CMTM8: variants seen among roughly 807,000 people sequenced by gnomAD.
CMTM8 encodes the protein CKLF-like MARVEL transmembrane domain-containing protein 8.
CMTM8 carries 12 observed loss-of-function variants against 18.6 expected under a neutral mutation model. The observed-to-expected ratio is 0.65, with a 90% CI of 0.41 to 1.05. The LOEUF is 1.05. CMTM8 is among the 50% of genes least tolerant of loss of function. The probability of loss-of-function intolerance (pLI) is 0.00; values close to 1 mark genes in which losing one functional copy is unlikely to be tolerated. For missense variants in CMTM8, 217 were observed against 227.2 expected (o/e 0.95, Z 0.29); for synonymous variants, 87 against 90.6 (o/e 0.96, Z 0.23).
intron 1 of CMTM8, among the ~76,000 whole-genome samples, chr3:32,315,076 G>A (rs1197791187): frequency 2.7e-4 from 41 of 151,784 alleles, no homozygotes; most frequent in Admixed American, 2.7e-3. Context: ...TAAGTGCTGT[G>A]GGGAAACAAA....
chr3:32,357,657 C>T (rs929062912), intron 2 of CMTM8, 111 bp downstream of exon 2: 5 of 1,052,854 alleles, frequency 4.7e-6, no homozygotes, highest in African/African-American at 4.7e-5. Context: ...TGGGGCCATA[C>T]CATGGAGAAC....
intron 2 of CMTM8, among the ~76,000 whole-genome samples, chr3:32,361,728 T>C (rs564042756): frequency 6.6e-6 from 1 of 152,296 alleles, no homozygotes; most frequent in East Asian, 1.9e-4. Context: ...AAGTGACCTA[T>C]ATCCATTTTT....
chr3:32,281,455 T>A (rs1702609589), intron 1 of CMTM8, among the ~76,000 whole-genome samples: 1 of 152,132 alleles, frequency 6.6e-6, no homozygotes, highest in Admixed American at 6.5e-5. Flanking sequence ...CATATATACA[T>A]GTAGTATCTA....
intron 1 of CMTM8, among the ~76,000 whole-genome samples, chr3:32,357,117 G>A (rs954857994): frequency 2.6e-5 from 4 of 152,064 alleles, no homozygotes; most frequent in East Asian, 1.9e-4. Flanking sequence ...GGTGCTGCAC[G>A]CCTGTAATCC....
chr3:32,366,046 A>C (rs1010657290), intron 2 of CMTM8, among the ~76,000 whole-genome samples: 4 of 151,784 alleles, frequency 2.6e-5, no homozygotes, highest in African/African-American at 9.7e-5. Context: ...TTTTCACTAC[A>C]TTTCCTCCAA....
intron 1 of CMTM8, among the ~76,000 whole-genome samples, chr3:32,297,503 T>C (rs9837605): frequency 0.49 from 74,102 of 151,588 alleles, 18,902 homozygotes; most frequent in Admixed American, 0.6. Context: ...TTGATGAGGC[T>C]ATTCTTATCT....
At chr3:32,369,516 C>T (rs1486783814) in intron 3 of CMTM8, among the ~76,000 whole-genome samples, 1 of 152,068 alleles carries the variant, frequency 6.6e-6, no homozygotes, top group Non-Finnish European at 1.5e-5. Context: ...TTACTCTGGC[C>T]CACTCGACTC....
At chr3:32,317,521 T>C (rs1695954149) in intron 1 of CMTM8, among the ~76,000 whole-genome samples, 1 of 152,202 alleles carries the variant, frequency 6.6e-6, no homozygotes, top group Non-Finnish European at 1.5e-5. Context: ...GCCTAAACTT[T>C]ATGAAAGTCA....
At position 32,341,581 on chromosome 3, in the gene CMTM8, G is replaced by A. The variant is rs537733017; in HGVS notation, c.148-15792G>A. On this transcript the variant is annotated intron_variant, in intron 1 of 3. Coordinates refer to ENST00000307526, the MANE Select transcript of CMTM8 (RefSeq NM_178868.5). ...CGGCATGATGTTGATGTGTAGTACA[G>A]TTTAAAAACTTGAGGCCAGGTGTGG... 3.3e-5 allele frequency among the ~76,000 whole-genome samples: 5 copies of A among 152,312 alleles called. No homozygotes were observed. In the East Asian group the frequency reaches 9.6e-4, roughly 29 times the overall value.
At chr3:32,264,176 A>C (rs1365673245) in intron 1 of CMTM8, among the ~76,000 whole-genome samples, 1 of 152,228 alleles carries the variant, frequency 6.6e-6, no homozygotes, top group Non-Finnish European at 1.5e-5. Context: ...AAATGAAGGA[A>C]AAAATGTTAA....
intron 1 of CMTM8, among the ~76,000 whole-genome samples, chr3:32,267,881 C>G (rs1318213270): frequency 2.6e-5 from 4 of 152,174 alleles, no homozygotes; most frequent in Non-Finnish European, 5.9e-5. Context: ...AAATGCAAAT[C>G]AAAACCATAA....
At chr3:32,340,037 G>T (rs1158037878) in intron 1 of CMTM8, among the ~76,000 whole-genome samples, 1 of 152,166 alleles carries the variant, frequency 6.6e-6, no homozygotes, top group East Asian at 1.9e-4. Context: ...GATTAAATTT[G>T]CCCTTCCAAG....
intron 1 of CMTM8, chr3:32,259,238 A>G (rs1559363462): frequency 3.4e-6 from 2 of 582,482 alleles, no homozygotes; most frequent in Non-Finnish European, 6.4e-6. Flanking sequence ...TCCTACCTGG[A>G]CAAAGTGAAG....
chr3:32,324,284 C>G (rs571851601), intron 1 of CMTM8, among the ~76,000 whole-genome samples: 2 of 152,186 alleles, frequency 1.3e-5, no homozygotes, highest in East Asian at 1.9e-4. Context: ...AAAACTTTTT[C>G]CAGTCTGGTA....
chr3:32,296,706 G>A (rs1166165342), intron 1 of CMTM8, among the ~76,000 whole-genome samples: 2 of 152,174 alleles, frequency 1.3e-5, no homozygotes, highest in Non-Finnish European at 2.9e-5. Flanking sequence ...CACCCCTTAG[G>A]GTTGTGTAAT....
chr3:32,367,943 C>T lies in CMTM8; in HGVS notation c.393C>T (p.Ser131=), dbSNP rs965050065. Reference sequence around the variant, plus strand: ...CTGTTGTAGATGCATCTTCCGTCTCCCCTGAGAGGGACAGTCACAACTTCA... The same window carrying T: ...CTGTTGTAGATGCATCTTCCGTCTCTCCTGAGAGGGACAGTCACAACTTCA... ...SAAVVDASSV[S]PERDSHNFNS... Residue 131 remains serine (S), a synonymous_variant, in exon 3 of 4, where the codon TCC becomes TCT. Coordinates refer to ENST00000307526, the MANE Select transcript of CMTM8 (RefSeq NM_178868.5). 1.2e-6 allele frequency: 2 copies of T among 1,614,074 alleles called. No individual in the cohort carries two copies. The highest frequency in any genetic ancestry group is 1.1e-5 in the South Asian group (1 of 91,074).
At chr3:32,242,944 T>C (rs1262002319) in intron 1 of CMTM8, among the ~76,000 whole-genome samples, 2 of 151,948 alleles carry the variant, frequency 1.3e-5, no homozygotes, top group African/African-American at 4.8e-5. Context: ...CAGGCTGGAA[T>C]TGCAGTAGTG....
At chr3:32,259,159 G>T (rs551026513) in intron 1 of CMTM8, 9 of 442,116 alleles carry the variant, frequency 2.0e-5, no homozygotes, top group Non-Finnish European at 3.9e-5. Flanking sequence ...GACGGCCAGG[G>T]GTCTGGCAGA....
chr3:32,248,989 G>A (rs918437546), intron 1 of CMTM8, among the ~76,000 whole-genome samples: 4 of 139,508 alleles, frequency 2.9e-5, no homozygotes, highest in Admixed American at 1.4e-4. Flanking sequence ...CAGTCCTCTT[G>A]AGCATTTAGC....
Sources: allele counts gnomAD v4.1 joint callset (sites outside exome capture counted in the v4.1 genomes callset), GRCh38; gene constraint gnomAD v4.1.1; transcripts MANE v1.5; gene names NCBI Gene and HGNC (gene_info 2026-07-23, HGNC 2026-07-21).